Variants in CHSY3 observed in about 807,000 individuals in gnomAD.
CHSY3 encodes N-acetylgalactosaminyl-proteoglycan 3-beta-glucuronosyltransferase 3.
Under a neutral mutation model 67.2 loss-of-function variants are expected in CHSY3, and 35 were observed. The ratio of observed to expected loss-of-function variants is 0.52; its 90% CI spans 0.40 to 0.69. The LOEUF (loss-of-function observed/expected upper bound fraction) is 0.69. Ranked by LOEUF, CHSY3 falls within the 30% of genes least tolerant of loss-of-function variation. The pLI, the probability that CHSY3 is intolerant of heterozygous loss-of-function variation, is 0.00. For synonymous variants in CHSY3, 474 were observed against 434.7 expected, an observed-to-expected ratio of 1.09 and a Z score of -1.12; for missense variants, 1,069 against 1,138.5, an observed-to-expected ratio of 0.94 and a Z score of 0.88.
At chr5:130,152,661 A>C (rs1769263607) in intron 2 of CHSY3, among the ~76,000 whole-genome samples, 1 of 152,240 alleles carries the variant, frequency 6.6e-6, no homozygotes, top group African/African-American at 2.4e-5. Context: ...AGCAATAGAC[A>C]CAAGTTTCCT....
intron 2 of CHSY3, among the ~76,000 whole-genome samples, chr5:129,969,558 A>C (rs1353361609): frequency 2.0e-5 from 3 of 151,916 alleles, no homozygotes; most frequent in African/African-American, 7.2e-5. Flanking sequence ...ACTGATCTCA[A>C]GCCTAAAAAG....
chr5:130,164,365 A>G (rs1769661230), intron 2 of CHSY3, among the ~76,000 whole-genome samples: 1 of 152,210 alleles, frequency 6.6e-6, no homozygotes, highest in South Asian at 2.1e-4. Context: ...GGAAGAAAGG[A>G]GGAGTCTACA....
At chr5:130,088,160 G>A (rs531037691) in intron 2 of CHSY3, among the ~76,000 whole-genome samples, 1 of 152,180 alleles carries the variant, frequency 6.6e-6, no homozygotes, top group African/African-American at 2.4e-5. Context: ...AAACTGGCTA[G>A]CCATATGTAG....
intron 2 of CHSY3, chr5:130,141,047 T>C (rs1041708284): frequency 1.0e-5 from 3 of 301,308 alleles, no homozygotes; most frequent in Non-Finnish European, 1.6e-5. Flanking sequence ...TGGTTCTATT[T>C]GTATTTCCAA....
intron 2 of CHSY3, among the ~76,000 whole-genome samples, chr5:129,942,565 C>G (rs976732739): frequency 6.6e-6 from 1 of 151,946 alleles, no homozygotes; most frequent in Non-Finnish European, 1.5e-5. Flanking sequence ...TACCAGACAC[C>G]CTGCCTAACA....
At chr5:130,050,041 C>T (rs188007222) in intron 2 of CHSY3, among the ~76,000 whole-genome samples, 3 of 152,040 alleles carry the variant, frequency 2.0e-5, no homozygotes, top group African/African-American at 4.8e-5. Flanking sequence ...GTAGGTATGC[C>T]TGTAAGCTGT....
chr5:130,027,194 C>A (rs1396258942), intron 2 of CHSY3, among the ~76,000 whole-genome samples: 1 of 152,082 alleles, frequency 6.6e-6, no homozygotes, highest in Non-Finnish European at 1.5e-5. Flanking sequence ...CTGAACTCAG[C>A]AAATTGTATA....
intron 2 of CHSY3, among the ~76,000 whole-genome samples, chr5:130,026,383 T>G (rs1040813317): frequency 2.6e-5 from 4 of 152,136 alleles, no homozygotes; most frequent in Admixed American, 6.6e-5. Context: ...AATACTATAG[T>G]AAAGGAAGAT....
At chr5:130,178,189 A>ATG (rs1770113880) in intron 2 of CHSY3, among the ~76,000 whole-genome samples, 1 of 116,954 alleles carries the variant, frequency 8.6e-6, no homozygotes, top group Admixed American at 9.8e-5. Flanking sequence ...GTGTGTGTGT[A>ATG]TATATATATA....
chr5:130,098,318 C>G (rs944474588), intron 2 of CHSY3, among the ~76,000 whole-genome samples: 3 of 152,140 alleles, frequency 2.0e-5, no homozygotes, highest in African/African-American at 7.2e-5. Flanking sequence ...GAGGAACAGT[C>G]TTTCTCCTAT....
chr5:130,046,222 G>T (rs930750854), intron 2 of CHSY3, among the ~76,000 whole-genome samples: 1 of 152,052 alleles, frequency 6.6e-6, no homozygotes, highest in Non-Finnish European at 1.5e-5. Flanking sequence ...CTTTTTGAAG[G>T]TTAGGAAGCC....
chr5:129,988,120 T>C (rs12652706), intron 2 of CHSY3, among the ~76,000 whole-genome samples: 50,203 of 152,054 alleles, frequency 0.33, 8,490 homozygotes, highest in South Asian at 0.45. Flanking sequence ...GCATTTGTAC[T>C]CAGGGTTAAA....
intron 2 of CHSY3, among the ~76,000 whole-genome samples, chr5:130,123,762 A>T (rs1047124575): frequency 6.6e-6 from 1 of 152,136 alleles, no homozygotes; most frequent in Non-Finnish European, 1.5e-5. Context: ...AAATATAAAG[A>T]AGTAAACAGT....
At chr5:129,960,499 A>G (rs1762299877) in intron 2 of CHSY3, among the ~76,000 whole-genome samples, 1 of 152,056 alleles carries the variant, frequency 6.6e-6, no homozygotes, top group Non-Finnish European at 1.5e-5. Flanking sequence ...CAACTGTAGT[A>G]TGATGAGCCA....
At chr5:130,000,741 T>C (rs1392491368) in intron 2 of CHSY3, among the ~76,000 whole-genome samples, 8 of 131,812 alleles carry the variant, frequency 6.1e-5, no homozygotes, top group South Asian at 2.5e-4. Flanking sequence ...TCTTTTTTTT[T>C]TTTTTTTTTT....
intron 2 of CHSY3, among the ~76,000 whole-genome samples, chr5:130,049,770 C>CT (rs72080416): frequency 0.89 from 129,450 of 146,228 alleles, 57,459 homozygotes; most frequent in Middle Eastern, 0.97. Flanking sequence ...ATCTCCCCAT[C>CT]TTTTTTTTTT....
chr5:130,176,699 G>A (rs1198925606), intron 2 of CHSY3, among the ~76,000 whole-genome samples: 6 of 152,260 alleles, frequency 3.9e-5, no homozygotes, highest in African/African-American at 1.4e-4. Flanking sequence ...TGCAGGACAT[G>A]GATGAAGCTG....
intron 2 of CHSY3, among the ~76,000 whole-genome samples, chr5:129,988,855 G>T (rs542070886): frequency 6.6e-6 from 1 of 152,212 alleles, no homozygotes; most frequent in East Asian, 1.9e-4. Context: ...AGAATTTAAA[G>T]CTGAGAAGGA....
chr5:129,935,470 G>A (rs1450421249), intron 2 of CHSY3, among the ~76,000 whole-genome samples: 1 of 152,056 alleles, frequency 6.6e-6, no homozygotes, highest in South Asian at 2.1e-4. Flanking sequence ...AGAAAGGTTG[G>A]TTCTTGACAA....
Sources: gnomAD v4.1 joint callset for allele counts (sites outside exome capture counted in the v4.1 genomes callset) on GRCh38, gnomAD v4.1.1 for gene constraint, MANE v1.5 for transcripts, NCBI Gene and HGNC (gene_info 2026-07-23, HGNC 2026-07-21) for gene names.